Variants in ABCA13 observed in about 807,000 individuals in gnomAD.
ABCA13 encodes the protein ATP-binding cassette sub-family A member 13.
A neutral mutation model predicts 478.7 loss-of-function variants in ABCA13; 476 were observed. The ratio of observed to expected loss-of-function variants is 0.99; its 90% confidence interval spans 0.92 to 1.07. The LOEUF (loss-of-function observed/expected upper bound fraction) is 1.07. Among genes scored for constraint, ABCA13 ranks in the 50% least tolerant of loss-of-function variants. The pLI, the probability that ABCA13 is intolerant of heterozygous loss-of-function variation, is 0.00. For synonymous variants in ABCA13, 2,252 were observed against 2,158.9 expected, an observed-to-expected ratio of 1.04 and a Z score of -1.20; for missense variants, 6,060 against 5,910.6, an observed-to-expected ratio of 1.03 and a Z score of -0.83.
chr7:48,323,241 G>A (rs903043336), intron 27 of ABCA13, among the ~76,000 whole-genome samples: 1 of 152,294 alleles, frequency 6.6e-6, no homozygotes, highest in South Asian at 2.1e-4. Flanking sequence ...TTCATGAGGG[G>A]CAGGAGCTTG....
chr7:48,558,498 A>G (rs1786101896), intron 55 of ABCA13, among the ~76,000 whole-genome samples: 2 of 151,950 alleles, frequency 1.3e-5, no homozygotes, highest in South Asian at 4.1e-4. Context: ...GGGTTTCACC[A>G]TGTTGCCCAG....
In ABCA13 at chr7:48,234,226, G is replaced by A. The variant is rs766628508; in HGVS notation, c.897+75G>A. Reference sequence around the variant, plus strand: ...GGATCTAGAGCATGCTGCTGGGGCAGGGTGAGCGGGTGCCACGGGAGAGGC... The same window carrying A: ...GGATCTAGAGCATGCTGCTGGGGCAAGGTGAGCGGGTGCCACGGGAGAGGC... On this transcript the variant is annotated intron_variant, in intron 8 of 61. Coordinates refer to ENST00000435803, the MANE Select transcript of ABCA13 (RefSeq NM_152701.5). The A allele has an allele frequency of 3.4e-4, 546 of 1,606,426 alleles. No individual in the cohort carries two copies. Among genetic ancestry groups the A allele is most frequent in the Non-Finnish European group, 4.5e-4 (534 of 1,175,796 alleles).
intron 54 of ABCA13, among the ~76,000 whole-genome samples, chr7:48,525,733 G>T (rs75695879): frequency 0.066 from 2,805 of 42,318 alleles, 95 homozygotes; most frequent in African/African-American, 0.18. Context: ...TATTTTTATT[G>T]TTAAAAATTT....
In ABCA13 at chr7:48,274,160, G is replaced by A. The variant is rs77190804; in HGVS notation, c.4494G>A (p.Lys1498=). ...ILLALLNDST[K]QVRMSINNLT... ...TAGCTCTTTTAAATGATTCCACAAA[G>A]CAAGTAAGGATGAGTATCAACAACT... The change falls in exon 17 of 62, where the codon AAG becomes AAA. Residue 1498 remains lysine (K), a synonymous_variant. Coordinates refer to ENST00000435803, the MANE Select transcript of ABCA13 (RefSeq NM_152701.5). 108,138 of 1,609,608 alleles carry A rather than the reference G, an allele frequency of 0.067. 4,461 individuals are homozygous for A. The highest frequency in any genetic ancestry group is 0.21 in the East Asian group (9,186 of 44,702).
chr7:48,455,043 C>T lies in ABCA13; in HGVS notation c.12572C>T (p.Ser4191Phe), dbSNP rs1417138896. The T allele has an allele frequency of 1.3e-6, 2 of 1,518,972 alleles. No homozygotes were observed. Among genetic ancestry groups the T allele is most frequent in the East Asian group, 2.5e-5 (1 of 40,590 alleles). 94.1% of individuals were successfully genotyped at this position (1,518,972 alleles called of 1,614,324 possible). A position where few individuals can be genotyped will look rare whatever the true frequency, so the allele number is the denominator to read the frequency against. Residue 4191 changes from serine (S) to phenylalanine (F), a missense_variant, in exon 43 of 62, where the codon TCC becomes TTC. This residue lies in a region of ABCA13 where 1,627 missense variants were observed against 1,571.0 expected (regional missense o/e 1.04). Transcript: ENST00000435803. ...CCTCCCGCCCGTCCTGCAGGTGGCT[C>T]CCTAGCACGGCCCGCAACTGTGCAG... Reference protein sequence around the residue: ...PTGHLSGYCGSLARPATVQGV... With the variant: ...PTGHLSGYCGFLARPATVQGV...
Position 48,467,023 on chromosome 7 carries a change from T to G in ABCA13, c.12883T>G (p.Cys4295Gly). The change falls in exon 44 of 62, where the codon TGT becomes GGT. Residue 4295 changes from cysteine to glycine, a missense_variant. Physicochemically the swap from Cys to Gly is radical, Grantham distance 159 (BLOSUM62 -3). This residue lies in a region of ABCA13 where 1,627 missense variants were observed against 1,571.0 expected (regional missense o/e 1.04). Coordinates refer to ENST00000435803, the MANE Select transcript of ABCA13 (RefSeq NM_152701.5). The stretch of plus-strand genomic sequence containing the variant: ...GAAGTTTAGAGATCAAGATTTGCCC[T>G]GTGCAGATTTAAACCCACGCCAGTA... ...LRKFRDQDLP[C>G]ADLNPRQKNS... is the part of the protein sequence containing the mutation. 4 of 1,614,018 alleles carry G rather than the reference T, an allele frequency of 2.5e-6. No homozygotes were observed. Among genetic ancestry groups the G allele is most frequent in the Non-Finnish European group, 3.4e-6 (4 of 1,179,888 alleles).
At chr7:48,338,263 C>A in intron 28 of ABCA13, 102 bp from the exon 29 acceptor site, 1 of 802,850 alleles carries the variant, frequency 1.2e-6, no homozygotes, top group Non-Finnish European at 1.8e-6. Context: ...AGTTTATGTG[C>A]CTTGTTCCTT....
Position 48,272,979 on chromosome 7 carries a change from A to T in ABCA13, c.3313A>T (p.Lys1105Ter). Reference sequence around the variant, plus strand: ...TAATAAATGCTTGATTTCGGACAATAAACACATTTCTTCCGTAAATTATTC... The same window carrying T: ...TAATAAATGCTTGATTTCGGACAATTAACACATTTCTTCCGTAAATTATTC... The part of the protein sequence containing the change: ...LDNKCLISDN[K>*]HISSVNYSTS... The change falls in exon 17 of 62, where the codon AAA (lysine) becomes TAA (stop). Residue 1105 changes from lysine to a stop codon, truncating the protein, a stop_gained. Transcript: ENST00000435803. LOFTEE classifies it high-confidence loss of function. 1 of 1,613,574 alleles carries T rather than the reference A, an allele frequency of 6.2e-7. No individual in the cohort carries two copies. The highest frequency in any genetic ancestry group is 8.5e-7 in the Non-Finnish European group (1 of 1,179,690).
intron 49 of ABCA13, among the ~76,000 whole-genome samples, chr7:48,506,704 G>T (rs905259111): frequency 6.6e-6 from 1 of 152,166 alleles, no homozygotes. Flanking sequence ...AGTTTTCGGG[G>T]TTAAAATCAT....
intron 15 of ABCA13, among the ~76,000 whole-genome samples, chr7:48,254,083 TTTAA>T (rs1328294586): frequency 2.0e-5 from 3 of 152,232 alleles, no homozygotes; most frequent in African/African-American, 4.8e-5. Flanking sequence ...GCAGAATGTG[TTTAA>T]TTAAGCTTAC....
chr7:48,535,686 G>A (rs564569311), intron 55 of ABCA13, among the ~76,000 whole-genome samples: 3 of 152,180 alleles, frequency 2.0e-5, no homozygotes, highest in Admixed American at 1.3e-4. Flanking sequence ...GCTTGCTGTG[G>A]TGGCAGTGGG....
chr7:48,356,965 T>G (rs939846686), intron 31 of ABCA13, among the ~76,000 whole-genome samples: 1 of 151,976 alleles, frequency 6.6e-6, no homozygotes, highest in Non-Finnish European at 1.5e-5. Flanking sequence ...ATTTGAAAGG[T>G]CACCTGTTAT....
At chr7:48,464,475 T>G (rs1428952751) in intron 43 of ABCA13, among the ~76,000 whole-genome samples, 1 of 152,242 alleles carries the variant, frequency 6.6e-6, no homozygotes, top group Non-Finnish European at 1.5e-5. Flanking sequence ...GTGGGGAAGA[T>G]AGTGTTTTTC....
chr7:48,177,674 C>T (rs36154721), intron 1 of ABCA13, among the ~76,000 whole-genome samples: 59,047 of 152,176 alleles, frequency 0.39, 13,206 homozygotes, highest in Non-Finnish European at 0.51. Context: ...GATGGCTTCT[C>T]CCTCTCTGGC....
At chr7:48,429,664 G>A (rs1166746667) in intron 42 of ABCA13, among the ~76,000 whole-genome samples, 3 of 152,184 alleles carry the variant, frequency 2.0e-5, no homozygotes, top group Non-Finnish European at 4.4e-5. Flanking sequence ...TCTAATTATG[G>A]AATTGTGTGA....
At position 48,392,105 on chromosome 7, in the gene ABCA13, T is replaced by C. The variant is rs773337028; in HGVS notation, c.11839T>C (p.Trp3947Arg). 18 of 1,613,934 alleles carry C rather than the reference T, an allele frequency of 1.1e-5. No homozygotes were observed. The Admixed American group carries it at 3.0e-4, about 27-fold the overall frequency. ...LLFASIKAPQ[W>R]TKKELHQQVN... is the part of the protein sequence containing the mutation. ...CTTTGCTTCCATAAAGGCGCCTCAG[T>C]GGACCAAGAAGGAGCTGCATCAGCA... Residue 3947 changes from tryptophan (W) to arginine (R), a missense_variant, in exon 38 of 62, where the codon TGG becomes CGG. Physicochemically the swap from Trp to Arg is moderately radical, Grantham distance 101 (BLOSUM62 -3). Coordinates refer to ENST00000435803, the MANE Select transcript of ABCA13 (RefSeq NM_152701.5).
chr7:48,508,716 T>C (rs944162105), intron 50 of ABCA13, among the ~76,000 whole-genome samples: 10 of 152,202 alleles, frequency 6.6e-5, no homozygotes, highest in Non-Finnish European at 1.0e-4. Flanking sequence ...TGATTCATCT[T>C]GTGATACAGA....
chr7:48,555,937 C>T (rs1334378895), intron 55 of ABCA13, among the ~76,000 whole-genome samples: 1 of 150,946 alleles, frequency 6.6e-6, no homozygotes, highest in Non-Finnish European at 1.5e-5. Context: ...TTGTTGTAGC[C>T]ATTTATAGCT....
At chr7:48,350,928 G>T in intron 30 of ABCA13, 109 bp downstream of exon 30, 1 of 1,116,974 alleles carries the variant, frequency 9.0e-7, no homozygotes, top group South Asian at 1.7e-5. Context: ...AAGAAAAGAA[G>T]TCCTTTCCAG....
Sources: allele counts gnomAD v4.1 joint callset (sites outside exome capture counted in the v4.1 genomes callset), GRCh38; gene constraint gnomAD v4.1.1; regional missense constraint gnomAD v4.1.1; transcripts MANE v1.5; gene names NCBI Gene and HGNC (gene_info 2026-07-23, HGNC 2026-07-21).